The following NUBPL variants were observed in gnomAD, a reference collection of about 807,000 sequenced individuals.
NUBPL encodes the protein NUBP iron-sulfur cluster assembly factor, mitochondrial, also known as iron-sulfur cluster transfer protein NUBPL.
NUBPL carries 31 observed loss-of-function variants against 45.7 expected under a neutral mutation model. The observed-to-expected ratio is 0.68, with a 90% CI of 0.51 to 0.92. NUBPL has a LOEUF of 0.92. NUBPL is among the 40% of genes least tolerant of loss of function. NUBPL has a pLI of 0.00. For synonymous variants in NUBPL, 144 were observed against 140.9 expected, an observed-to-expected ratio of 1.02 and a Z score of -0.15; for missense variants, 401 against 398.7, an observed-to-expected ratio of 1.01 and a Z score of -0.05.
intron 6 of NUBPL, among the ~76,000 whole-genome samples, chr14:31,778,039 C>T (rs1393061444): frequency 6.6e-6 from 1 of 152,216 alleles, no homozygotes; most frequent in Admixed American, 6.5e-5. Flanking sequence ...CAGCAAATCA[C>T]ATCCATGAGT....
chr14:31,713,783 A>G (rs1432147622), intron 6 of NUBPL, among the ~76,000 whole-genome samples: 3 of 152,074 alleles, frequency 2.0e-5, no homozygotes, highest in African/African-American at 7.2e-5. Flanking sequence ...CTGTCCTTCT[A>G]CCTCTCCCTT....
At chr14:31,754,400 T>A (rs10141659) in intron 6 of NUBPL, among the ~76,000 whole-genome samples, 70,498 of 151,890 alleles carry the variant, frequency 0.46, 17,679 homozygotes, top group African/African-American at 0.67. Flanking sequence ...AATTTGTAGG[T>A]AATACATGAA....
chr14:31,581,961 G>A (rs1353275272), intron 3 of NUBPL, among the ~76,000 whole-genome samples: 3 of 152,142 alleles, frequency 2.0e-5, no homozygotes, highest in Admixed American at 2.0e-4. Context: ...AGTTGGCATT[G>A]ATTTTTAATG....
chr14:31,650,214 A>C (rs1398957523), intron 4 of NUBPL, among the ~76,000 whole-genome samples: 2 of 152,114 alleles, frequency 1.3e-5, no homozygotes, highest in African/African-American at 4.8e-5. Context: ...TATTGATATA[A>C]GTTCAAGTAA....
chr14:31,634,123 C>T (rs921897562), intron 4 of NUBPL, among the ~76,000 whole-genome samples: 1 of 151,560 alleles, frequency 6.6e-6, no homozygotes, highest in Non-Finnish European at 1.5e-5. Context: ...TTTTAGGGTA[C>T]ATGTACACAA....
chr14:31,585,109 T>C (rs1182114129), intron 3 of NUBPL, among the ~76,000 whole-genome samples: 1 of 152,206 alleles, frequency 6.6e-6, no homozygotes, highest in African/African-American at 2.4e-5. Flanking sequence ...TCACTCAGCA[T>C]GTTTTCAAGG....
intron 7 of NUBPL, 116 bp downstream of exon 7, chr14:31,787,989 A>G: frequency 1.5e-6 from 1 of 689,372 alleles, no homozygotes; most frequent in Admixed American, 2.3e-5. Flanking sequence ...TCATTCACTT[A>G]TAAATTTTTC....
At chr14:31,565,258 A>G (rs1172567702) in intron 3 of NUBPL, among the ~76,000 whole-genome samples, 2 of 152,168 alleles carry the variant, frequency 1.3e-5, no homozygotes, top group Non-Finnish European at 2.9e-5. Context: ...TGTTTGCTAT[A>G]TATCCCACAA....
intron 6 of NUBPL, among the ~76,000 whole-genome samples, chr14:31,750,065 A>G (rs2038487455): frequency 6.6e-6 from 1 of 151,942 alleles, no homozygotes; most frequent in Non-Finnish European, 1.5e-5. Context: ...CTTCTATGAT[A>G]TGTATCTCTT....
intron 4 of NUBPL, among the ~76,000 whole-genome samples, chr14:31,630,581 A>G (rs1348646572): frequency 6.6e-6 from 1 of 152,158 alleles, no homozygotes; most frequent in Non-Finnish European, 1.5e-5. Context: ...AATATTTATC[A>G]TCTGCCCCTT....
rs77139143 is a variant in NUBPL, at chr14:31,673,695, C to T, written c.513+121C>T. On this transcript the variant is annotated intron_variant, in intron 6 of 10. Coordinates refer to ENST00000281081, the MANE Select transcript of NUBPL (RefSeq NM_025152.3). ...CAGTTGATGGGATGAATGTATAATG[C>T]GTAATATGGCACCTAATGAGTTAAT... is the stretch of plus-strand genomic sequence containing the variant. 0.057 allele frequency: 47,446 copies of T among 828,360 alleles called. 1,670 individuals carry two copies. Among genetic ancestry groups the T allele is most frequent in the Non-Finnish European group, 0.075 (36,315 of 485,464 alleles). The allele number at this position is 828,360 out of a possible 1,614,324, so 51.3% of individuals were successfully genotyped here. A position where few individuals can be genotyped will look rare whatever the true frequency, so the allele number is the denominator to read the frequency against.
intron 3 of NUBPL, among the ~76,000 whole-genome samples, chr14:31,575,608 T>C (rs559923844): frequency 6.6e-6 from 1 of 152,352 alleles, no homozygotes; most frequent in East Asian, 1.9e-4. Context: ...CAGTTACATA[T>C]GGCAAATCCT....
intron 6 of NUBPL, chr14:31,771,842 GC>G: frequency 1.0e-6 from 1 of 985,178 alleles, no homozygotes; most frequent in Non-Finnish European, 1.2e-6. Context: ...GGACCCTAAG[GC>G]TCAAAATTAG....
At chr14:31,715,646 C>T (rs1345662761) in intron 6 of NUBPL, among the ~76,000 whole-genome samples, 1 of 152,042 alleles carries the variant, frequency 6.6e-6, no homozygotes, top group South Asian at 2.1e-4. Flanking sequence ...AAAATGGTGC[C>T]CCTGTGTAGG....
intron 3 of NUBPL, among the ~76,000 whole-genome samples, chr14:31,580,840 A>G (rs2033842877): frequency 6.6e-6 from 1 of 152,184 alleles, no homozygotes; most frequent in South Asian, 2.1e-4. Flanking sequence ...AAGAAGGTCC[A>G]TGTGATTGGA....
intron 4 of NUBPL, among the ~76,000 whole-genome samples, chr14:31,634,555 T>G (rs1431717255): frequency 3.3e-5 from 5 of 152,100 alleles, no homozygotes; most frequent in East Asian, 1.9e-4. Context: ...ACATACGTGT[T>G]CATGTGTCTT....
At chr14:31,690,431 C>G (rs2037066685) in intron 6 of NUBPL, among the ~76,000 whole-genome samples, 2 of 152,170 alleles carry the variant, frequency 1.3e-5, no homozygotes, top group African/African-American at 4.8e-5. Context: ...CCTGGCCACC[C>G]AGAACCATAT....
intron 6 of NUBPL, among the ~76,000 whole-genome samples, chr14:31,695,168 T>C (rs942285972): frequency 6.6e-6 from 1 of 152,188 alleles, no homozygotes; most frequent in African/African-American, 2.4e-5. Flanking sequence ...TAGTCAGCAT[T>C]GAAAGAGAAC....
intron 6 of NUBPL, among the ~76,000 whole-genome samples, chr14:31,762,350 T>C (rs1430038456): frequency 6.6e-6 from 1 of 152,204 alleles, no homozygotes; most frequent in African/African-American, 2.4e-5. Flanking sequence ...AAGCTTAGGA[T>C]GAGTAGTTTT....
Sources: allele counts gnomAD v4.1 joint callset (sites outside exome capture counted in the v4.1 genomes callset), GRCh38; gene constraint gnomAD v4.1.1; transcripts MANE v1.5; gene names NCBI Gene and HGNC (gene_info 2026-07-23, HGNC 2026-07-21).